Variants in POLR1C observed in about 807,000 individuals in gnomAD.
POLR1C encodes the protein RNA polymerase I and III subunit C.
POLR1C carries 42 observed loss-of-function variants against 38.3 expected under a neutral mutation model. The ratio of observed to expected loss-of-function variants is 1.10; its 90% CI spans 0.86 to 1.42. The LOEUF is 1.42. Among genes scored for constraint, POLR1C ranks in the 40% most tolerant of loss-of-function variants. The pLI, the probability that POLR1C is intolerant of heterozygous loss-of-function variation, is 0.00. For synonymous variants in POLR1C, 163 were observed against 163.9 expected (o/e 0.99, Z 0.04); for missense variants, 507 against 450.5 (o/e 1.13, Z -1.14).
exon 9 of POLR1C, chr6:43,529,348 C>T (rs1346801546): frequency 4.1e-6 from 2 of 482,310 alleles, no homozygotes; most frequent in Non-Finnish European, 7.6e-6. Flanking sequence ...CGAGACCATC[C>T]TGGCTAACAT....
intron 9 of POLR1C, among the ~76,000 whole-genome samples, chr6:43,544,479 G>A (rs1320988486): frequency 2.6e-5 from 4 of 152,142 alleles, no homozygotes; most frequent in African/African-American, 9.7e-5. Context: ...GGCCTCTAGA[G>A]TCAACCAGAA....
chr6:43,562,395 A>C (rs1434267172), exon 11 of POLR1C: 1 of 1,323,378 alleles, frequency 7.6e-7, no homozygotes, highest in Admixed American at 2.0e-5. Context: ...AAAAGGCTGT[A>C]ATAAAAACAT....
intron 9 of POLR1C, among the ~76,000 whole-genome samples, chr6:43,538,531 T>A (rs886909141): frequency 4.8e-4 from 73 of 152,190 alleles, no homozygotes; most frequent in African/African-American, 1.4e-3. Context: ...TCGGTGATAT[T>A]TGAATACTGA....
downstream of POLR1C, chr6:43,524,580 T>C (rs781149485): frequency 6.2e-7 from 1 of 1,613,866 alleles, no homozygotes; most frequent in South Asian, 1.1e-5. Flanking sequence ...CAGTGAGTCC[T>C]TCTGTATTTC....
intron 9 of POLR1C, among the ~76,000 whole-genome samples, chr6:43,549,155 G>A (rs767308969): frequency 6.6e-6 from 1 of 152,114 alleles, no homozygotes; most frequent in Non-Finnish European, 1.5e-5. Flanking sequence ...TCCGCCTCCT[G>A]AGTTCAAGTG....
At chr6:43,557,197 C>T (rs1459652344) in intron 10 of POLR1C, among the ~76,000 whole-genome samples, 2 of 147,450 alleles carry the variant, frequency 1.4e-5, no homozygotes, top group African/African-American at 2.5e-5. Context: ...GAAGCCGAGG[C>T]GGGTGGATCA....
At chr6:43,547,617 G>C (rs1422281493) in intron 9 of POLR1C, 1 of 1,613,962 alleles carries the variant, frequency 6.2e-7, no homozygotes, top group South Asian at 1.1e-5. Flanking sequence ...CTCGTGCACG[G>C]TTTAAGCCAC....
chr6:43,556,588 C>T (rs1219043251), intron 10 of POLR1C, among the ~76,000 whole-genome samples: 1 of 151,672 alleles, frequency 6.6e-6, no homozygotes, highest in Non-Finnish European at 1.5e-5. Flanking sequence ...AATGGTGCAG[C>T]TGCTGTGGAA....
chr6:43,524,946 G>A (rs1561861942), downstream of POLR1C: 1 of 1,613,670 alleles, frequency 6.2e-7, no homozygotes, highest in Non-Finnish European at 8.5e-7. Context: ...AACTGCATCT[G>A]CGAGCAGTGT....
At chr6:43,530,603 C>T, downstream of POLR1C, 1 of 1,487,692 alleles carries the variant, frequency 6.7e-7, no homozygotes, top group South Asian at 1.3e-5. Context: ...AGTTCTGCCT[C>T]TTCCCTCTGG....
At chr6:43,519,925 A>G in intron 4 of POLR1C, 87 bp downstream of exon 4, 1 of 1,545,194 alleles carries the variant, frequency 6.5e-7, no homozygotes, top group South Asian at 1.2e-5. Flanking sequence ...TTATCTTTGT[A>G]CATCAGTGTC....
At chr6:43,519,671 T>C in intron 3 of POLR1C, 35 bp from the exon 4 acceptor site, 2 of 1,613,764 alleles carry the variant, frequency 1.2e-6, no homozygotes, top group Non-Finnish European at 1.7e-6. Flanking sequence ...GTCTGTTGGG[T>C]TTTTGCAGAT....
intron 10 of POLR1C, chr6:43,551,263 CA>C (rs781089667): frequency 2.3e-5 from 35 of 1,524,544 alleles, no homozygotes; most frequent in Non-Finnish European, 2.8e-5. Context: ...TTAGAAATGT[CA>C]AAATAAAATT....
chr6:43,559,053 T>C (rs974547927), intron 10 of POLR1C: 1 of 152,972 alleles, frequency 6.5e-6, no homozygotes, highest in Admixed American at 6.5e-5. Flanking sequence ...TCCCAGCACT[T>C]TGGGAGGCCG....
downstream of POLR1C, chr6:43,524,396 C>T: frequency 4.8e-6 from 7 of 1,448,892 alleles, no homozygotes; most frequent in Non-Finnish European, 6.5e-6. Context: ...TCAATAACTA[C>T]AGCTGGTTTA....
chr6:43,520,461 A>G (rs761844586), intron 6 of POLR1C, 34 bp downstream of exon 6: 5 of 1,612,314 alleles, frequency 3.1e-6, no homozygotes, highest in Non-Finnish European at 3.4e-6. Flanking sequence ...GGGAAGGGGG[A>G]TAGTTCGGTT....
intron 9 of POLR1C, among the ~76,000 whole-genome samples, chr6:43,537,564 G>A (rs769962564): frequency 1.3e-5 from 2 of 152,142 alleles, no homozygotes; most frequent in Non-Finnish European, 2.9e-5. Context: ...ATGTTCCAAC[G>A]GAAGTTTACT....
chr6:43,551,361 A>G (rs1235681696), intron 10 of POLR1C: 25 of 1,613,908 alleles, frequency 1.5e-5, no homozygotes, highest in Non-Finnish European at 1.6e-5. Context: ...GTGCAGAGAC[A>G]TTAGTAAGGA....
intron 1 of POLR1C, 32 bp from the exon 2 acceptor site, chr6:43,517,274 C>T (rs375289583): frequency 4.3e-6 from 7 of 1,610,328 alleles, no homozygotes; most frequent in Non-Finnish European, 5.9e-6. Context: ...GCTCACTGTC[C>T]CTTCGTGGAC....
Sources: gnomAD v4.1 joint callset for allele counts (sites outside exome capture counted in the v4.1 genomes callset) on GRCh38, gnomAD v4.1.1 for gene constraint, MANE v1.5 for transcripts, NCBI Gene and HGNC (gene_info 2026-07-23, HGNC 2026-07-21) for gene names.